MRPL1: variants seen among roughly 807,000 people sequenced by gnomAD.
The protein encoded by MRPL1 is mitochondrial ribosomal protein L1.
MRPL1 carries 28 observed loss-of-function variants against 38.0 expected under a neutral mutation model. The observed-to-expected ratio is 0.74, with a 90% confidence interval of 0.55 to 1.01. The LOEUF is 1.01. Ranked by LOEUF, MRPL1 falls within the 50% of genes least tolerant of loss-of-function variation. The pLI is 0.00. For missense variants in MRPL1, 358 were observed against 389.8 expected, an observed-to-expected ratio of 0.92 and a Z score of 0.69; for synonymous variants, 123 against 126.7, an observed-to-expected ratio of 0.97 and a Z score of 0.20.
chr4:77,904,836 A>C (rs1736117629), intron 6 of MRPL1, among the ~76,000 whole-genome samples: 1 of 152,252 alleles, frequency 6.6e-6, no homozygotes, highest in Admixed American at 6.5e-5. Flanking sequence ...CAAACACAGA[A>C]ATTAATCCAA....
chr4:77,907,484 C>T (rs1018748110), intron 6 of MRPL1, among the ~76,000 whole-genome samples: 1 of 116,294 alleles, frequency 8.6e-6, no homozygotes, highest in Non-Finnish European at 1.9e-5. Context: ...CTCTCTCTCC[C>T]TCCCTCCCTC....
At position 77,933,930 on chromosome 4, in the gene MRPL1, C is replaced by G. The variant is rs140728385; in HGVS notation, c.778-15867C>G. On this transcript the variant is annotated intron_variant, in intron 7 of 8. Coordinates refer to ENST00000315567, the MANE Select transcript of MRPL1 (RefSeq NM_020236.4). The stretch of plus-strand genomic sequence containing the variant: ...CTACATTCACACAGATATCTGAACA[C>G]AAATGTTTACAGTAACTCTATTGAT... Among the ~76,000 whole-genome samples the G allele has an allele frequency of 6.9e-4, 105 of 152,208 alleles. No homozygotes were observed. The Middle Eastern group carries it at 0.01, about 15-fold the overall frequency.
At chr4:77,870,117 C>T (rs1417767574) in intron 1 of MRPL1, among the ~76,000 whole-genome samples, 1 of 152,120 alleles carries the variant, frequency 6.6e-6, no homozygotes, top group Non-Finnish European at 1.5e-5. Flanking sequence ...TGGGCTCGAG[C>T]TCCTGGGCTC....
At chr4:77,863,372 C>T (rs556910427) in intron 1 of MRPL1, among the ~76,000 whole-genome samples, 1 of 151,670 alleles carries the variant, frequency 6.6e-6, no homozygotes, top group Non-Finnish European at 1.5e-5. Context: ...TTTGAGGGGG[C>T]TAATTCTGTA....
intron 2 of MRPL1, among the ~76,000 whole-genome samples, chr4:77,882,234 T>C (rs1474992716): frequency 6.6e-6 from 1 of 152,210 alleles, no homozygotes; most frequent in Admixed American, 6.6e-5. Context: ...TTCCTTCTTA[T>C]ACCATTTTAT....
At chr4:77,874,272 T>C (rs919899838) in intron 2 of MRPL1, among the ~76,000 whole-genome samples, 6 of 152,210 alleles carry the variant, frequency 3.9e-5, no homozygotes, top group East Asian at 1.9e-4. Flanking sequence ...AGGTGTGAGC[T>C]ACCGCACCCG....
intron 7 of MRPL1, among the ~76,000 whole-genome samples, chr4:77,944,283 T>C (rs937274066): frequency 8.5e-5 from 13 of 152,208 alleles, no homozygotes; most frequent in African/African-American, 2.7e-4. Context: ...TTTTCAGCTG[T>C]CTCTGGGGCC....
At chr4:77,902,385 T>TAAAAAA (rs552547011) in intron 6 of MRPL1, among the ~76,000 whole-genome samples, 1 of 95,154 alleles carries the variant, frequency 1.1e-5, no homozygotes, top group Admixed American at 1.2e-4. Flanking sequence ...ACCGGCTTTC[T>TAAAAAA]AAAAAAAAAA....
At chr4:77,886,738 G>C (rs1448409808) in intron 4 of MRPL1, among the ~76,000 whole-genome samples, 1 of 150,660 alleles carries the variant, frequency 6.6e-6, no homozygotes, top group African/African-American at 2.4e-5. Flanking sequence ...GACTCAGCCT[G>C]CCAAAATGTT....
intron 5 of MRPL1, among the ~76,000 whole-genome samples, chr4:77,890,321 G>A (rs1735777746): frequency 6.6e-6 from 1 of 152,164 alleles, no homozygotes; most frequent in South Asian, 2.1e-4. Flanking sequence ...GGGATGCAAG[G>A]CTGGTTCAAC....
At chr4:77,938,930 T>G (rs556265622) in intron 7 of MRPL1, among the ~76,000 whole-genome samples, 2 of 152,344 alleles carry the variant, frequency 1.3e-5, no homozygotes, top group South Asian at 2.1e-4. Context: ...ATTTTTTTAT[T>G]TCAATCAGTT....
intron 6 of MRPL1, 80 bp from the exon 7 acceptor site, chr4:77,909,186 T>G: frequency 4.5e-4 from 378 of 849,368 alleles, no homozygotes; most frequent in East Asian, 6.7e-4. Context: ...TATCTTTACA[T>G]GAGATATGTG....
chr4:77,871,736 C>A lies in MRPL1; in HGVS notation c.32-8C>A. Reference sequence around the variant, plus strand: ...AATGTTAATATTTTACATGTTTTTCCTTTCAAGCCTTGATACATCATCAAA... The same window carrying A: ...AATGTTAATATTTTACATGTTTTTCATTTCAAGCCTTGATACATCATCAAA... On this transcript the variant is annotated splice_region_variant and splice_polypyrimidine_tract_variant and intron_variant, in intron 1 of 8. Transcript: ENST00000315567. 7.3e-7 allele frequency: 1 copy of A among 1,375,916 alleles called. No individual in the cohort carries two copies. Among genetic ancestry groups the A allele is most frequent in the South Asian group, 1.5e-5 (1 of 68,828 alleles). 85.2% of individuals were successfully genotyped at this position (1,375,916 alleles called of 1,614,324 possible).
At chr4:77,863,894 C>T (rs12500578) in intron 1 of MRPL1, among the ~76,000 whole-genome samples, 28,011 of 151,802 alleles carry the variant, frequency 0.18, 2,972 homozygotes, top group Middle Eastern at 0.29. Context: ...AGAAACTGAA[C>T]TTATTAGATA....
intron 7 of MRPL1, among the ~76,000 whole-genome samples, chr4:77,925,007 G>A (rs958793834): frequency 3.3e-5 from 5 of 152,080 alleles, no homozygotes; most frequent in African/African-American, 9.7e-5. Flanking sequence ...TGAAAGAACA[G>A]TACAAAGAAC....
intron 2 of MRPL1, among the ~76,000 whole-genome samples, chr4:77,881,499 A>C (rs1486627128): frequency 7.9e-5 from 11 of 139,708 alleles, no homozygotes; most frequent in African/African-American, 3.0e-4. Flanking sequence ...CCTGGAGTGC[A>C]CTGACATAAT....
chr4:77,903,894 G>T (rs1199284223), intron 6 of MRPL1, among the ~76,000 whole-genome samples: 1 of 151,862 alleles, frequency 6.6e-6, no homozygotes, highest in Non-Finnish European at 1.5e-5. Flanking sequence ...AAAAAAAAAA[G>T]TTGGCAAGCA....
chr4:77,929,038 G>A (rs920166959), intron 7 of MRPL1, among the ~76,000 whole-genome samples: 1 of 152,196 alleles, frequency 6.6e-6, no homozygotes, highest in Non-Finnish European at 1.5e-5. Context: ...AAATATAAAT[G>A]TTGCATAATG....
chr4:77,924,797 C>A (rs1454031698), intron 7 of MRPL1, among the ~76,000 whole-genome samples: 1 of 152,118 alleles, frequency 6.6e-6, no homozygotes, highest in African/African-American at 2.4e-5. Flanking sequence ...AAATTAATAA[C>A]CTTTTTCATC....
Sources: gnomAD v4.1 joint callset for allele counts (sites outside exome capture counted in the v4.1 genomes callset) on GRCh38, gnomAD v4.1.1 for gene constraint, MANE v1.5 for transcripts, NCBI Gene and HGNC (gene_info 2026-07-23, HGNC 2026-07-21) for gene names.